SNX24: variants seen among roughly 807,000 people sequenced by gnomAD.
The protein encoded by SNX24 is sorting nexin 24, also known as sorting nexin-24.
A neutral mutation model predicts 28.7 loss-of-function variants in SNX24; 22 were observed. The observed-to-expected ratio is 0.77, with a 90% CI of 0.55 to 1.10. The LOEUF is 1.10. SNX24 is among the 50% of genes least tolerant of loss of function. The pLI is 0.00. For synonymous variants in SNX24, 69 were observed against 71.5 expected (o/e 0.96, Z 0.18); for missense variants, 221 against 201.1 (o/e 1.10, Z -0.60).
At chr5:122,852,785 A>G (rs575717685) in intron 1 of SNX24, among the ~76,000 whole-genome samples, 6 of 152,218 alleles carry the variant, frequency 3.9e-5, no homozygotes, top group Non-Finnish European at 8.8e-5. Context: ...GGCCAGGGTT[A>G]TCTTAACCAA....
chr5:122,910,010 A>G (rs944102487), intron 1 of SNX24, among the ~76,000 whole-genome samples: 2 of 152,220 alleles, frequency 1.3e-5, no homozygotes, highest in Admixed American at 1.3e-4. Context: ...TTGTAGGTTC[A>G]AGGCAGAAAG....
At chr5:123,017,868 T>G (rs559722363) in intron 5 of SNX24, among the ~76,000 whole-genome samples, 1 of 152,248 alleles carries the variant, frequency 6.6e-6, no homozygotes, top group Admixed American at 6.5e-5. Flanking sequence ...TAAACATCTT[T>G]CTTTTGTAAA....
rs1195003177 is a variant in SNX24, at chr5:122,845,700, G to GCGGGCCGCGGGCGGAC, written c.60+8_60+23dup. ...CCTGGAGCGGGGATACACGGTAGGCGCGGGCCGCGGGCGGACAGGGCCCCG... is the reference window on the plus strand; with the variant it reads ...CCTGGAGCGGGGATACACGGTAGGCGCGGGCCGCGGGCGGACCGGGCCGCGGGCGGACAGGGCCCCG... On this transcript the variant is annotated splice_region_variant and intron_variant, in intron 1 of 6. Coordinates refer to ENST00000261369, the MANE Select transcript of SNX24 (RefSeq NM_014035.4). 8 of 1,377,812 alleles carry GCGGGCCGCGGGCGGAC rather than the reference G, an allele frequency of 5.8e-6. No individual in the cohort carries two copies. 85.3% of individuals were successfully genotyped at this position (1,377,812 alleles called of 1,614,324 possible).
chr5:122,967,424 G>A (rs1287928390), intron 3 of SNX24, among the ~76,000 whole-genome samples: 2 of 152,092 alleles, frequency 1.3e-5, no homozygotes, highest in Admixed American at 1.3e-4. Flanking sequence ...CAAGGGAGCC[G>A]ATCTGATGAG....
intron 3 of SNX24, among the ~76,000 whole-genome samples, chr5:122,981,198 A>G (rs1310547708): frequency 2.0e-5 from 3 of 152,310 alleles, no homozygotes; most frequent in Middle Eastern, 3.4e-3. Flanking sequence ...CCCTGACATA[A>G]AATTAGATAT....
chr5:122,883,984 C>T (rs1318266485), intron 1 of SNX24, among the ~76,000 whole-genome samples: 1 of 152,140 alleles, frequency 6.6e-6, no homozygotes, highest in African/African-American at 2.4e-5. Context: ...TAGAACTTTG[C>T]TTGAGTGGAT....
chr5:122,952,175 C>T (rs531511145), intron 3 of SNX24, among the ~76,000 whole-genome samples: 25 of 152,232 alleles, frequency 1.6e-4, no homozygotes, highest in South Asian at 1.2e-3. Context: ...ATTCTATAAT[C>T]GAACACATCT....
In SNX24 at chr5:122,889,699, G is replaced by GTA. The variant is rs1332842885; in HGVS notation, c.60+44014_60+44015dup. ...TGTGTATATATATGTATATGTATGT[G>GTA]TATATATATGTATATATATATGTAT... On this transcript the variant is annotated intron_variant, in intron 1 of 6. Coordinates refer to ENST00000261369, the MANE Select transcript of SNX24 (RefSeq NM_014035.4). 4.3e-5 allele frequency among the ~76,000 whole-genome samples: 5 copies of GTA among 115,486 alleles called. No individual in the cohort carries two copies. In the East Asian group the frequency reaches 8.0e-4, roughly 19 times the overall value. 75.8% of individuals were successfully genotyped at this position (115,486 alleles called of 152,430 possible).
At chr5:122,948,083 T>A (rs1363618966) in intron 3 of SNX24, among the ~76,000 whole-genome samples, 1 of 152,194 alleles carries the variant, frequency 6.6e-6, no homozygotes, top group African/African-American at 2.4e-5. Context: ...AGTCAATTTG[T>A]TGTCACTTAA....
At chr5:123,010,829 C>T (rs1345458236), downstream of SNX24, among the ~76,000 whole-genome samples, 2 of 151,056 alleles carry the variant, frequency 1.3e-5, no homozygotes, top group Non-Finnish European at 3.0e-5. Flanking sequence ...AAAATGGTAG[C>T]ACGCAATACC....
chr5:122,914,675 T>C (rs572421861), intron 1 of SNX24, among the ~76,000 whole-genome samples: 2 of 151,248 alleles, frequency 1.3e-5, no homozygotes, highest in East Asian at 3.9e-4. Context: ...TTTTCTAGTT[T>C]ATTTGCGTAG....
intron 1 of SNX24, among the ~76,000 whole-genome samples, chr5:122,865,013 G>C (rs1412575728): frequency 6.6e-6 from 1 of 152,238 alleles, no homozygotes; most frequent in Non-Finnish European, 1.5e-5. Context: ...AAGCAAGATG[G>C]AGTCAGTTAA....
At chr5:122,907,210 A>G (rs1178109104) in intron 1 of SNX24, among the ~76,000 whole-genome samples, 1 of 152,180 alleles carries the variant, frequency 6.6e-6, no homozygotes, top group Non-Finnish European at 1.5e-5. Context: ...TGAGTATTTC[A>G]TTTTTATACT....
In SNX24 at chr5:122,963,655, G is replaced by C. The variant is rs79806419; in HGVS notation, c.249+17496G>C. 6.4e-4 allele frequency among the ~76,000 whole-genome samples: 97 copies of C among 152,246 alleles called. No individual in the cohort carries two copies. In the East Asian group the frequency reaches 0.014, roughly 22 times the overall value. On this transcript the variant is annotated intron_variant, in intron 3 of 6. Transcript: ENST00000261369. ...TTGATTAGTATTTTATCAGATTTGT[G>C]TGTGATGGAATCATGAGTTTTAAAA... is the stretch of plus-strand genomic sequence containing the variant.
At chr5:122,922,125 A>G (rs1003339828) in intron 1 of SNX24, among the ~76,000 whole-genome samples, 1 of 152,200 alleles carries the variant, frequency 6.6e-6, no homozygotes, top group Admixed American at 6.5e-5. Context: ...TGTTGGTTAT[A>G]TGTATCTAGA....
intron 5 of SNX24, chr5:123,024,007 G>A (rs377359324): frequency 1.2e-6 from 2 of 1,611,434 alleles, no homozygotes; most frequent in African/African-American, 2.7e-5. Context: ...CCACTGTCTG[G>A]TGAGAGAAAA....
intron 1 of SNX24, among the ~76,000 whole-genome samples, chr5:122,934,295 T>C (rs966445855): frequency 9.9e-5 from 15 of 152,044 alleles, no homozygotes; most frequent in African/African-American, 2.9e-4. Flanking sequence ...GGACAACATA[T>C]GTAGGAAAAT....
At chr5:122,899,601 G>T (rs1204680899) in intron 1 of SNX24, among the ~76,000 whole-genome samples, 1 of 152,070 alleles carries the variant, frequency 6.6e-6, no homozygotes, top group East Asian at 1.9e-4. Flanking sequence ...TAGAGATGGG[G>T]TTTTGCCATG....
At chr5:122,940,484 T>C (rs1759393943) in intron 2 of SNX24, among the ~76,000 whole-genome samples, 1 of 152,194 alleles carries the variant, frequency 6.6e-6, no homozygotes, top group African/African-American at 2.4e-5. Flanking sequence ...ATCATAGATA[T>C]TGACCCTCAA....
Sources: gnomAD v4.1 joint callset for allele counts (sites outside exome capture counted in the v4.1 genomes callset) on GRCh38, gnomAD v4.1.1 for gene constraint, MANE v1.5 for transcripts, NCBI Gene and HGNC (gene_info 2026-07-23, HGNC 2026-07-21) for gene names.